Variants in SGSM3 observed in about 807,000 individuals in gnomAD.
SGSM3 encodes the protein RUN and SH3 containing 3.
In SGSM3, 96 loss-of-function variants were observed where a neutral mutation model predicts 100.5. The ratio of observed to expected loss-of-function variants is 0.96; its 90% CI spans 0.81 to 1.13. The LOEUF is 1.13. Ranked by LOEUF, SGSM3 falls within the 50% of genes most tolerant of loss-of-function variation. The probability of loss-of-function intolerance (pLI) is 0.00; values close to 1 mark genes in which losing one functional copy is unlikely to be tolerated. For synonymous variants in SGSM3, 483 were observed against 422.8 expected, an observed-to-expected ratio of 1.14 and a Z score of -1.75; for missense variants, 1,001 against 1,015.8, an observed-to-expected ratio of 0.99 and a Z score of 0.20.
intron 1 of SGSM3, chr22:40,387,108 G>T: frequency 2.5e-6 from 1 of 397,028 alleles, no homozygotes; most frequent in South Asian, 1.3e-4. Flanking sequence ...GGTATAGTGA[G>T]ACTGCTGAGG....
chr22:40,387,886 A>G (rs1014045101), intron 1 of SGSM3, among the ~76,000 whole-genome samples: 7 of 152,326 alleles, frequency 4.6e-5, no homozygotes, highest in African/African-American at 1.7e-4. Context: ...CGCGTAGGGC[A>G]GCTGAGTTTA....
At chr22:40,404,519 G>A (rs779350214) in intron 5 of SGSM3, 38 bp from the exon 6 acceptor site, 13 of 1,610,426 alleles carry the variant, frequency 8.1e-6, no homozygotes, top group Admixed American at 5.0e-5. Context: ...CAGGTGTCAC[G>A]AGAAAGACTG....
At chr22:40,388,733 G>A (rs1298504404) in intron 1 of SGSM3, among the ~76,000 whole-genome samples, 2 of 152,160 alleles carry the variant, frequency 1.3e-5, no homozygotes, top group African/African-American at 2.4e-5. Flanking sequence ...CAACTAGAAA[G>A]TAGCAACAGG....
At chr22:40,380,346 T>C (rs1351782738) in intron 1 of SGSM3, among the ~76,000 whole-genome samples, 1 of 151,538 alleles carries the variant, frequency 6.6e-6, no homozygotes, top group African/African-American at 2.4e-5. Flanking sequence ...TAGCTTTTTT[T>C]AACCATGAAT....
intron 8 of SGSM3, 61 bp downstream of exon 8, chr22:40,405,905 C>G (rs1286553787): frequency 1.3e-6 from 2 of 1,537,874 alleles, no homozygotes; most frequent in Non-Finnish European, 1.8e-6. Context: ...GGCGGGTGGC[C>G]GAGTGGGGAT....
Position 40,407,626 on chromosome 22 carries a change from C to T in SGSM3, c.1524+58C>T, listed in dbSNP as rs913076233. On this transcript the variant is annotated intron_variant, in intron 13 of 21. Coordinates refer to ENST00000248929, the MANE Select transcript of SGSM3 (RefSeq NM_015705.6). The surrounding 1 kb of genome is among the most constrained non-coding windows in gnomAD (Gnocchi z 4.7). Reference sequence around the variant, plus strand: ...GGCTGTGGCGGGTTCCCCAGACTCCCTCCACCAAGCCCCACCCCAACCCCT... The same window carrying T: ...GGCTGTGGCGGGTTCCCCAGACTCCTTCCACCAAGCCCCACCCCAACCCCT... The T allele has an allele frequency of 5.7e-6, 9 of 1,584,042 alleles. No individual in the cohort carries two copies. The highest frequency in any genetic ancestry group is 7.7e-6 in the Non-Finnish European group (9 of 1,168,004).
At chr22:40,403,384 G>A (rs1425058785) in intron 4 of SGSM3, among the ~76,000 whole-genome samples, 1 of 152,162 alleles carries the variant, frequency 6.6e-6, no homozygotes, top group Non-Finnish European at 1.5e-5. Context: ...ACTGTGGGTG[G>A]TGCAGTCTCC....
intron 1 of SGSM3, chr22:40,388,198 ATAC>A (rs1321924939): frequency 6.6e-6 from 1 of 152,178 alleles, no homozygotes; most frequent in African/African-American, 2.4e-5. Context: ...AATTTGTATG[ATAC>A]TATGGATGTT....
intron 1 of SGSM3, among the ~76,000 whole-genome samples, chr22:40,372,346 C>T (rs938483043): frequency 1.3e-5 from 2 of 151,550 alleles, no homozygotes; most frequent in African/African-American, 2.4e-5. Context: ...CAGATGGTCT[C>T]GATCTCCTGA....
rs554488364 is a variant in SGSM3, at chr22:40,404,631, C to G, written c.441C>G (p.Asn147Lys). ...SELSYREIVK[N>K]SSNDETIAAK... Reference sequence around the variant, plus strand: ...TGTCCTACCGCGAGATTGTGAAGAACAGCTCCAACGATGAGACCATCGCTG... The same window carrying G: ...TGTCCTACCGCGAGATTGTGAAGAAGAGCTCCAACGATGAGACCATCGCTG... Residue 147 changes from asparagine to lysine, a missense_variant, in exon 6 of 22, where the codon AAC becomes AAG. Transcript: ENST00000248929. The G allele has an allele frequency of 5.5e-5, 89 of 1,613,342 alleles. 1 individual carries two copies. In the South Asian group the frequency reaches 6.5e-4, roughly 12 times the overall value.
At position 40,405,183 on chromosome 22, in the gene SGSM3, T is replaced by C; in HGVS notation, c.517T>C (p.Phe173Leu). The C allele has an allele frequency of 1.3e-6, 2 of 1,578,470 alleles. No individual in the cohort carries two copies. The highest frequency in any genetic ancestry group is 2.3e-5 in the South Asian group (2 of 87,240). Residue 173 changes from phenylalanine (F) to leucine (L), a missense_variant, in exon 7 of 22, where the codon TTC (phenylalanine) becomes CTC (leucine). Coordinates refer to ENST00000248929, the MANE Select transcript of SGSM3 (RefSeq NM_015705.6). Reference sequence around the variant, plus strand: ...CCGCACCATGCCCAGCAACGCCTGCTTCGCCAGCATGGGTAGCATCGGGGT... The same window carrying C: ...CCGCACCATGCCCAGCAACGCCTGCCTCGCCAGCATGGGTAGCATCGGGGT... ...LLRTMPSNAC[F>L]ASMGSIGVPR... is the part of the protein sequence containing the mutation.
chr22:40,390,872 G>A (rs1196544613), intron 1 of SGSM3, among the ~76,000 whole-genome samples: 1 of 152,174 alleles, frequency 6.6e-6, no homozygotes, highest in Non-Finnish European at 1.5e-5. Flanking sequence ...AAAAGAGCGT[G>A]TTGTACATCG....
chr22:40,408,938 G>A lies in SGSM3; in HGVS notation c.1908G>A (p.Val636=). 1 of 1,612,344 alleles carries A rather than the reference G, an allele frequency of 6.2e-7. No homozygotes were observed. Among genetic ancestry groups the A allele is most frequent in the Non-Finnish European group, 8.5e-7 (1 of 1,179,308 alleles). The part of the protein sequence containing the change: ...LTPEELLYRA[V]QSVNVTHDAV... ...GCTGACGGTGCCGTTCCCAGGCTGT[G>A]CAGTCTGTGAACGTGACCCACGATG... The change falls in exon 19 of 22, where the codon GTG becomes GTA. Residue 636 remains valine, a synonymous_variant. Coordinates refer to ENST00000248929, the MANE Select transcript of SGSM3 (RefSeq NM_015705.6).
rs370215537 is a variant in SGSM3, at chr22:40,407,430, T to C, written c.1386T>C (p.Tyr462=). 5 of 1,612,754 alleles carry C rather than the reference T, an allele frequency of 3.1e-6. No homozygotes were observed. In the African/African-American group the frequency reaches 6.7e-5, roughly 22 times the overall value. ...TGTGGCAGGAGCTGACTCCAGACTA[T>C]AGCATGGAGAGCCACCAGCGGGACC... ...KNCSVELTPD[Y]SMESHQRDHE... The change falls in exon 13 of 22, where the codon TAT becomes TAC. Residue 462 remains tyrosine, a synonymous_variant. Transcript: ENST00000248929. The surrounding 1 kb of genome is among the most constrained non-coding windows in gnomAD (Gnocchi z 4.7).
intron 7 of SGSM3, 80 bp downstream of exon 7, chr22:40,405,364 G>A: frequency 7.5e-7 from 1 of 1,332,748 alleles, no homozygotes; most frequent in East Asian, 2.7e-5. Flanking sequence ...TCCCGCTACG[G>A]GGCAGTAGCC....
intron 6 of SGSM3, 45 bp downstream of exon 6, chr22:40,404,709 G>C (rs753760743): frequency 5.6e-5 from 78 of 1,398,896 alleles, no homozygotes; most frequent in Non-Finnish European, 7.3e-5. Flanking sequence ...GGCTGTGTGG[G>C]CTCGCAGGAG....
At position 40,407,267 on chromosome 22, in the gene SGSM3, G is replaced by T; in HGVS notation, c.1307G>T (p.Arg436Leu). Residue 436 changes from arginine to leucine, a missense_variant, in exon 12 of 22, where the codon CGG (arginine) becomes CTG (leucine). Physicochemically the swap from Arg to Leu is moderately radical, Grantham distance 102. Coordinates refer to ENST00000248929, the MANE Select transcript of SGSM3 (RefSeq NM_015705.6). The surrounding 1 kb of genome is among the most constrained non-coding windows in gnomAD (Gnocchi z 4.7). The part of the protein sequence containing the change: ...IKQTELVADL[R>L]EAILRVARHF... ...CAGACGGAACTGGTGGCTGACCTCC[G>T]GGAAGCCATCCTGCGCGTGGCACGC... 6.2e-7 allele frequency: 1 copy of T among 1,613,626 alleles called. No individual in the cohort carries two copies. Among genetic ancestry groups the T allele is most frequent in the African/African-American group, 1.3e-5 (1 of 75,064 alleles).
rs1276745989 is a variant in SGSM3 at position 40,409,490 on chromosome 22, C to T, written c.2137C>T (p.Leu713Phe). The T allele has an allele frequency of 1.9e-6, 3 of 1,586,902 alleles. No individual in the cohort carries two copies. Among genetic ancestry groups the T allele is most frequent in the South Asian group, 1.1e-5 (1 of 88,694 alleles). Residue 713 changes from leucine (L) to phenylalanine (F), a missense_variant, in exon 21 of 22, where the codon CTC (leucine) becomes TTC (phenylalanine). By Grantham distance (22) the Leu-to-Phe change is conservative. Coordinates refer to ENST00000248929, the MANE Select transcript of SGSM3 (RefSeq NM_015705.6). ...AGTCCTCTGCTGCTTTGCCTTCAGC[C>T]TCTCCCAGGACTGGGAGCTCCCTGC... The part of the protein sequence containing the change: ...LRVLCCFAFS[L>F]SQDWELPAKR...
intron 1 of SGSM3, chr22:40,390,231 T>C (rs1227626051): frequency 6.6e-6 from 1 of 152,222 alleles, no homozygotes; most frequent in Non-Finnish European, 1.5e-5. Context: ...TTTGCATAGG[T>C]GGTAACACGG....
Sources: allele counts gnomAD v4.1 joint callset (sites outside exome capture counted in the v4.1 genomes callset), GRCh38; gene constraint gnomAD v4.1.1; non-coding constraint Gnocchi (gnomAD v3.1); transcripts MANE v1.5; gene names NCBI Gene and HGNC (gene_info 2026-07-23, HGNC 2026-07-21).